PDZRN4: variants seen among roughly 807,000 people sequenced by gnomAD.
PDZRN4 encodes the protein PDZ domain-containing RING finger protein 4.
Under a neutral mutation model 99.0 loss-of-function variants are expected in PDZRN4, and 70 were observed. That is an observed-to-expected ratio of 0.71 (90% CI 0.58 to 0.86). PDZRN4 has a LOEUF of 0.86. Among genes scored for constraint, PDZRN4 ranks in the 40% least tolerant of loss-of-function variants. The pLI, the probability that PDZRN4 is intolerant of heterozygous loss-of-function variation, is 0.00. For missense variants in PDZRN4, 1,474 were observed against 1,331.2 expected (o/e 1.11, Z -1.67); for synonymous variants, 551 against 501.6 (o/e 1.10, Z -1.32).
chr12:41,411,834 G>A (rs1952402276), intron 3 of PDZRN4: 1 of 152,186 alleles, frequency 6.6e-6, no homozygotes, highest in Non-Finnish European at 1.5e-5. Context: ...AATGTGATCA[G>A]CAACTTTTTC....
chr12:41,372,365 G>A (rs1326895600), intron 3 of PDZRN4, among the ~76,000 whole-genome samples: 5 of 152,154 alleles, frequency 3.3e-5, no homozygotes, highest in Non-Finnish European at 7.4e-5. Flanking sequence ...GTCTGGAAAA[G>A]CAAACTAGTC....
chr12:41,540,476 A>G (rs1023424251), intron 5 of PDZRN4, among the ~76,000 whole-genome samples: 1 of 152,174 alleles, frequency 6.6e-6, no homozygotes, highest in Non-Finnish European at 1.5e-5. Context: ...ATTCTGTGTA[A>G]TGTTTTCTAT....
intron 3 of PDZRN4, among the ~76,000 whole-genome samples, chr12:41,481,408 G>A (rs1937672280): frequency 6.6e-6 from 1 of 151,884 alleles, no homozygotes; most frequent in East Asian, 1.9e-4. Context: ...AAACCCTCCT[G>A]CCAAACAACC....
In PDZRN4 at chr12:41,201,537, C is replaced by T. The variant is rs527455162; in HGVS notation, c.843+7349C>T. The stretch of plus-strand genomic sequence containing the variant: ...TCTTCAGCATCTCTTTTGCTCTCAG[C>T]ATTGTGCCTGGGAAACTTCAGACAT... On this transcript the variant is annotated intron_variant, in intron 3 of 9. Transcript: ENST00000402685. 9.7e-4 allele frequency among the ~76,000 whole-genome samples: 148 copies of T among 152,174 alleles called. 1 individual carries two copies. Among genetic ancestry groups the T allele is most frequent in the African/African-American group, 3.5e-3 (146 of 41,550 alleles).
intron 3 of PDZRN4, among the ~76,000 whole-genome samples, chr12:41,377,252 C>G (rs1049396829): frequency 6.6e-6 from 1 of 151,868 alleles, no homozygotes; most frequent in Non-Finnish European, 1.5e-5. Context: ...TTTTCCATTT[C>G]TGTGAAAAAT....
chr12:41,453,248 T>C lies in PDZRN4; in HGVS notation c.844-53208T>C, dbSNP rs1592065204. ...GATCCTGAAGATGGGATCTCAGTCT[T>C]CAGCACCCACTGTGTACACCAATTC... On this transcript the variant is annotated intron_variant, in intron 3 of 9. Transcript: ENST00000402685. Among the ~76,000 whole-genome samples, 4 of 152,178 alleles carry C rather than the reference T, an allele frequency of 2.6e-5. No individual in the cohort carries two copies. The East Asian group carries it at 7.7e-4, about 29-fold the overall frequency.
At chr12:41,242,163 C>A (rs529706412) in intron 3 of PDZRN4, among the ~76,000 whole-genome samples, 1 of 152,172 alleles carries the variant, frequency 6.6e-6, no homozygotes, top group Non-Finnish European at 1.5e-5. Flanking sequence ...AAAGTGTCAG[C>A]ATCTCCCACA....
At chr12:41,390,893 C>G (rs902898005) in intron 3 of PDZRN4, among the ~76,000 whole-genome samples, 1 of 151,982 alleles carries the variant, frequency 6.6e-6, no homozygotes. Context: ...TAATGCTAAG[C>G]GTTAAGTCCT....
intron 3 of PDZRN4, among the ~76,000 whole-genome samples, chr12:41,374,818 G>A (rs967786391): frequency 2.6e-5 from 4 of 152,156 alleles, no homozygotes; most frequent in Non-Finnish European, 5.9e-5. Flanking sequence ...CTCTCTTAAA[G>A]AGGTGAAGTT....
chr12:41,528,430 T>C (rs901133762), intron 5 of PDZRN4, among the ~76,000 whole-genome samples: 1 of 152,334 alleles, frequency 6.6e-6, no homozygotes, highest in Admixed American at 6.5e-5. Flanking sequence ...TGGTTATTTA[T>C]GTATATGAAC....
At chr12:41,233,979 A>C (rs537693881) in intron 3 of PDZRN4, among the ~76,000 whole-genome samples, 44 of 152,134 alleles carry the variant, frequency 2.9e-4, no homozygotes, top group Admixed American at 1.8e-3. Flanking sequence ...ATCTGTTTCC[A>C]GATGTAGCAG....
At chr12:41,285,097 A>G (rs563751834) in intron 3 of PDZRN4, among the ~76,000 whole-genome samples, 45 of 152,296 alleles carry the variant, frequency 3.0e-4, no homozygotes, top group African/African-American at 1.0e-3. Context: ...AAAATTTTGC[A>G]ATCTATCCAT....
intron 3 of PDZRN4, among the ~76,000 whole-genome samples, chr12:41,280,392 G>A (rs1317844226): frequency 1.3e-5 from 2 of 152,146 alleles, no homozygotes; most frequent in African/African-American, 4.8e-5. Flanking sequence ...AAAGGGAGCT[G>A]AAGCCAGGGA....
At chr12:41,390,406 T>C (rs117280566) in intron 3 of PDZRN4, among the ~76,000 whole-genome samples, 1 of 152,216 alleles carries the variant, frequency 6.6e-6, no homozygotes, top group East Asian at 1.9e-4. Context: ...ATTGTTGTTC[T>C]ATTTTGTTTT....
At chr12:41,482,868 G>C (rs1239840991) in intron 3 of PDZRN4, among the ~76,000 whole-genome samples, 1 of 152,024 alleles carries the variant, frequency 6.6e-6, no homozygotes, top group African/African-American at 2.4e-5. Flanking sequence ...GGCTGGGTAT[G>C]AGGGAATGGG....
intron 3 of PDZRN4, among the ~76,000 whole-genome samples, chr12:41,492,148 A>T (rs1290220713): frequency 6.6e-6 from 1 of 151,764 alleles, no homozygotes; most frequent in African/African-American, 2.4e-5. Flanking sequence ...ATAAAACAGC[A>T]ATGGCAATAT....
intron 3 of PDZRN4, among the ~76,000 whole-genome samples, chr12:41,362,981 G>A: frequency 6.6e-6 from 1 of 152,140 alleles, no homozygotes; most frequent in East Asian, 1.9e-4. Context: ...TTTCTTTCCA[G>A]AGAAAAGTAC....
chr12:41,276,224 G>A (rs1951348974), intron 3 of PDZRN4, among the ~76,000 whole-genome samples: 1 of 151,932 alleles, frequency 6.6e-6, no homozygotes, highest in Admixed American at 6.6e-5. Flanking sequence ...GCATATTTGT[G>A]GTATTAAAAT....
chr12:41,522,341 A>T (rs1290949056), intron 5 of PDZRN4, among the ~76,000 whole-genome samples: 1 of 152,172 alleles, frequency 6.6e-6, no homozygotes, highest in African/African-American at 2.4e-5. Context: ...TTGCATGACC[A>T]GCAGACTTTC....
Sources: allele counts gnomAD v4.1 joint callset (sites outside exome capture counted in the v4.1 genomes callset), GRCh38; gene constraint gnomAD v4.1.1; transcripts MANE v1.5; gene names NCBI Gene and HGNC (gene_info 2026-07-23, HGNC 2026-07-21).